SULT1E1: variants seen among roughly 807,000 people sequenced by gnomAD.
The protein encoded by SULT1E1 is sulfotransferase family 1E member 1.
Under a neutral mutation model 33.6 loss-of-function variants are expected in SULT1E1, and 36 were observed. The ratio of observed to expected loss-of-function variants is 1.07; its 90% confidence interval spans 0.82 to 1.41. The LOEUF (loss-of-function observed/expected upper bound fraction) is 1.41, where lower values mean the gene tolerates loss of function less well. SULT1E1 is among the 40% of genes most tolerant of loss of function. The pLI is 0.00. For missense variants in SULT1E1, 371 were observed against 345.7 expected (o/e 1.07, Z -0.58); for synonymous variants, 121 against 111.7 (o/e 1.08, Z -0.53).
At chr4:69,821,918 G>T in the SULT1E1 span, among the ~76,000 whole-genome samples, 2 of 152,150 alleles carry the variant, frequency 1.3e-5, no homozygotes, top group Non-Finnish European at 2.9e-5. Context: ...TAAATCAACA[G>T]ATATTATAAC....
intron 2 of SULT1E1, among the ~76,000 whole-genome samples, chr4:69,856,152 G>A (rs138303353): frequency 1.3e-5 from 2 of 152,286 alleles, no homozygotes; most frequent in East Asian, 1.9e-4. Flanking sequence ...TTAATCTAAA[G>A]TTGGTACTTA....
chr4:69,824,118 T>C, the SULT1E1 span, among the ~76,000 whole-genome samples: 1 of 152,182 alleles, frequency 6.6e-6, no homozygotes, highest in East Asian at 1.9e-4. Context: ...TGATAACCAA[T>C]GGTACCCCCT....
chr4:69,828,254 C>T, the SULT1E1 span, among the ~76,000 whole-genome samples: 2 of 152,226 alleles, frequency 1.3e-5, no homozygotes. Context: ...AAGTCCCTTT[C>T]CATGCTATGG....
chr4:69,823,978 G>A, the SULT1E1 span, among the ~76,000 whole-genome samples: 56 of 152,226 alleles, frequency 3.7e-4, no homozygotes, highest in African/African-American at 9.9e-4. Flanking sequence ...ACATCCACAC[G>A]GCAATGAAGG....
chr4:69,821,250 G>A, the SULT1E1 span, among the ~76,000 whole-genome samples: 16 of 152,126 alleles, frequency 1.1e-4, no homozygotes, highest in Middle Eastern at 6.8e-3. Flanking sequence ...ACTATCCTAC[G>A]TTTTTCACAC....
the SULT1E1 span, among the ~76,000 whole-genome samples, chr4:69,833,441 A>C: frequency 6.6e-6 from 1 of 152,212 alleles, no homozygotes; most frequent in Non-Finnish European, 1.5e-5. Flanking sequence ...CTTAGGTAGA[A>C]TTTCCACGCA....
intron 4 of SULT1E1, 108 bp from the exon 5 acceptor site, chr4:69,849,671 T>C: frequency 4.0e-6 from 4 of 1,010,212 alleles, no homozygotes; most frequent in Non-Finnish European, 5.6e-6. Flanking sequence ...ATAATACACA[T>C]TAATTTTACA....
chr4:69,842,845 T>G (rs557343345), intron 7 of SULT1E1, among the ~76,000 whole-genome samples: 25 of 151,016 alleles, frequency 1.7e-4, no homozygotes, highest in Admixed American at 8.6e-4. Flanking sequence ...TTTTTTTTCT[T>G]TTTTTTTTGG....
intron 5 of SULT1E1, 134 bp downstream of exon 5, chr4:69,849,303 G>A (rs913779810): frequency 2.7e-5 from 28 of 1,022,142 alleles, no homozygotes; most frequent in East Asian, 8.2e-5. Flanking sequence ...ACCTCCAGGC[G>A]CCTTTAGATT....
chr4:69,857,765 A>C (rs943867599), intron 1 of SULT1E1, 112 bp from the exon 2 acceptor site: 1 of 923,240 alleles, frequency 1.1e-6, no homozygotes, highest in African/African-American at 1.7e-5. Flanking sequence ...TAGTTGTTGC[A>C]CATATGGGGC....
At chr4:69,858,444 C>G (rs918444440) in intron 1 of SULT1E1, among the ~76,000 whole-genome samples, 33 of 152,216 alleles carry the variant, frequency 2.2e-4, no homozygotes, top group African/African-American at 7.5e-4. Context: ...TACTTTCTTT[C>G]ATTAGCTTTC....
the SULT1E1 span, among the ~76,000 whole-genome samples, chr4:69,829,336 T>C: frequency 2.0e-5 from 3 of 152,204 alleles, no homozygotes; most frequent in Admixed American, 6.5e-5. Context: ...ATTCCCCATA[T>C]GGCCTTGGAA....
chr4:69,837,170 G>A (rs771613882), downstream of SULT1E1, among the ~76,000 whole-genome samples: 6 of 151,918 alleles, frequency 3.9e-5, no homozygotes, highest in African/African-American at 1.5e-4. Context: ...CTGGGAGCAG[G>A]TTTTCACAAG....
chr4:69,831,772 T>A, the SULT1E1 span, among the ~76,000 whole-genome samples: 3 of 152,134 alleles, frequency 2.0e-5, no homozygotes, highest in Non-Finnish European at 2.9e-5. Context: ...CCACCACGGA[T>A]GCTGCAGCCA....
At chr4:69,844,137 C>T (rs369254973) in intron 7 of SULT1E1, 24 bp downstream of exon 7, 21 of 1,612,198 alleles carry the variant, frequency 1.3e-5, no homozygotes, top group Admixed American at 8.3e-5. Flanking sequence ...CCTCTAGTAT[C>T]GAGGCAAACC....
At chr4:69,843,083 G>T (rs371340295) in intron 7 of SULT1E1, among the ~76,000 whole-genome samples, 1 of 152,052 alleles carries the variant, frequency 6.6e-6, no homozygotes, top group Admixed American at 6.6e-5. Context: ...TGATCCGCCC[G>T]TCTCGGCCTC....
At chr4:69,845,831 C>A (rs1720965902) in intron 6 of SULT1E1, among the ~76,000 whole-genome samples, 1 of 151,084 alleles carries the variant, frequency 6.6e-6, no homozygotes, top group African/African-American at 2.4e-5. Context: ...AGTCTAATTA[C>A]AGAACACAGT....
chr4:69,826,063 G>A, the SULT1E1 span, among the ~76,000 whole-genome samples: 36 of 152,264 alleles, frequency 2.4e-4, 1 homozygote, highest in African/African-American at 7.2e-4. Flanking sequence ...CCTCAGACAA[G>A]CAGGCCTAAC....
chr4:69,851,720 A>C (rs1721115723), intron 4 of SULT1E1, among the ~76,000 whole-genome samples: 1 of 152,210 alleles, frequency 6.6e-6, no homozygotes, highest in Non-Finnish European at 1.5e-5. Context: ...ACTTGGAACC[A>C]ACCCAAATAT....
Sources: gnomAD v4.1 joint callset for allele counts (sites outside exome capture counted in the v4.1 genomes callset) on GRCh38, gnomAD v4.1.1 for gene constraint, MANE v1.5 for transcripts, NCBI Gene and HGNC (gene_info 2026-07-23, HGNC 2026-07-21) for gene names.